The following F13A1 variants were observed in gnomAD, a reference collection of about 807,000 sequenced individuals.
F13A1 encodes FSF, A subunit.
F13A1 carries 47 observed loss-of-function variants against 80.1 expected under a neutral mutation model. The ratio of observed to expected loss-of-function variants is 0.59; its 90% confidence interval spans 0.46 to 0.75. The LOEUF (loss-of-function observed/expected upper bound fraction) is 0.75, where lower values mean the gene tolerates loss of function less well. Among genes scored for constraint, F13A1 ranks in the 30% least tolerant of loss-of-function variants. F13A1 has a pLI of 0.00. For missense variants in F13A1, 817 were observed against 930.4 expected (o/e 0.88, Z 1.59); for synonymous variants, 349 against 344.9 (o/e 1.01, Z -0.13).
chr6:6,224,214 C>T (rs372237573), intron 7 of F13A1, among the ~76,000 whole-genome samples: 1 of 152,058 alleles, frequency 6.6e-6, no homozygotes, highest in Non-Finnish European at 1.5e-5. Flanking sequence ...TGCTATAATA[C>T]CTTCCATAAC....
intron 8 of F13A1, among the ~76,000 whole-genome samples, chr6:6,203,168 A>G (rs931248): frequency 0.65 from 98,502 of 152,138 alleles, 32,969 homozygotes; most frequent in African/African-American, 0.82. Flanking sequence ...TGACTAGGCA[A>G]GAAAGACATC....
chr6:6,243,198 A>G lies in F13A1; in HGVS notation c.798+5114T>C, dbSNP rs984099361. On this transcript the variant is annotated intron_variant, in intron 6 of 14. Coordinates refer to ENST00000264870, the MANE Select transcript of F13A1 (RefSeq NM_000129.4). This position sits in a 1 kb window ranked among gnomAD's most constrained non-coding sequence, Gnocchi z 4.2. ...CACTACCACCATCACTCCCACCACC[A>G]TCACTCCTACCATCACCACCACCAT... 2.7e-4 allele frequency among the ~76,000 whole-genome samples: 40 copies of G among 150,932 alleles called. No individual in the cohort carries two copies. The highest frequency in any genetic ancestry group is 2.6e-3 in the Admixed American group (39 of 15,138).
chr6:6,254,187 T>C (rs1757674060), intron 4 of F13A1, among the ~76,000 whole-genome samples: 2 of 152,200 alleles, frequency 1.3e-5, no homozygotes, highest in Admixed American at 6.5e-5. Context: ...AAGAGATGGA[T>C]ACTCTCATCT....
intron 4 of F13A1, 129 bp downstream of exon 4, chr6:6,266,429 C>T: frequency 7.1e-7 from 1 of 1,411,866 alleles, no homozygotes; most frequent in Non-Finnish European, 1.0e-6. Context: ...GAGACTAGGT[C>T]TCAAACTCCT....
chr6:6,177,093 T>C (rs1340850851), intron 11 of F13A1, among the ~76,000 whole-genome samples: 1 of 152,158 alleles, frequency 6.6e-6, no homozygotes, highest in African/African-American at 2.4e-5. Context: ...TCTGGCATCT[T>C]ACATAATTCA....
At chr6:6,219,284 T>C (rs1757153720) in intron 8 of F13A1, among the ~76,000 whole-genome samples, 2 of 151,634 alleles carry the variant, frequency 1.3e-5, no homozygotes, top group South Asian at 4.2e-4. Flanking sequence ...GCCCAGCAAA[T>C]CATTCCCACC....
chr6:6,207,671 C>T (rs969009846), intron 8 of F13A1, among the ~76,000 whole-genome samples: 3 of 152,168 alleles, frequency 2.0e-5, no homozygotes, highest in African/African-American at 7.2e-5. Flanking sequence ...GAATTTTAAA[C>T]TGCCTGCGGG....
intron 12 of F13A1, among the ~76,000 whole-genome samples, chr6:6,172,959 C>T (rs1277618516): frequency 1.3e-5 from 2 of 152,160 alleles, no homozygotes; most frequent in Non-Finnish European, 2.9e-5. Flanking sequence ...GTGGCTTGAC[C>T]ATCCCAGGGG....
chr6:6,229,508 T>C (rs190888027), intron 6 of F13A1, among the ~76,000 whole-genome samples: 2 of 152,312 alleles, frequency 1.3e-5, no homozygotes, highest in East Asian at 3.9e-4. Flanking sequence ...AATAGTACCA[T>C]AGTTATGGAA....
intron 3 of F13A1, among the ~76,000 whole-genome samples, chr6:6,272,666 G>A (rs1757938722): frequency 1.3e-5 from 2 of 152,140 alleles, no homozygotes; most frequent in African/African-American, 2.4e-5. Context: ...AAACTAGCAA[G>A]GCACTTTCCT....
intron 3 of F13A1, among the ~76,000 whole-genome samples, chr6:6,279,514 G>T (rs1007101522): frequency 6.6e-6 from 1 of 152,212 alleles, no homozygotes; most frequent in Admixed American, 6.5e-5. Flanking sequence ...GGAAGCCCAA[G>T]GGGTGGAGAG....
intron 6 of F13A1, among the ~76,000 whole-genome samples, chr6:6,238,110 T>A (rs145742417): frequency 6.6e-6 from 1 of 152,318 alleles, no homozygotes; most frequent in Non-Finnish European, 1.5e-5. Flanking sequence ...CATAAGGACA[T>A]ACATATAAAC....
chr6:6,303,842 T>A (rs1351118156), intron 3 of F13A1, among the ~76,000 whole-genome samples: 1 of 152,186 alleles, frequency 6.6e-6, no homozygotes, highest in East Asian at 1.9e-4. Flanking sequence ...TGTGAAATTT[T>A]TTTATGTCTA....
At chr6:6,152,044 T>C (rs1561943460) in intron 13 of F13A1, 95 bp from the exon 14 acceptor site, 4 of 1,498,098 alleles carry the variant, frequency 2.7e-6, no homozygotes, top group Non-Finnish European at 3.7e-6. Flanking sequence ...AGTTTTATGA[T>C]ACAGTTATTT....
intron 3 of F13A1, among the ~76,000 whole-genome samples, chr6:6,292,179 C>G (rs1758232775): frequency 6.6e-6 from 1 of 152,208 alleles, no homozygotes; most frequent in Admixed American, 6.5e-5. Flanking sequence ...GGGAGGCATA[C>G]AGCACCTCTG....
In F13A1 at chr6:6,222,037, C is replaced by A. The variant is rs1757202268; in HGVS notation, c.1108G>T (p.Val370Leu). Reference protein sequence around the residue: ...NVNSKLTKDSVWNYHCWNEAW... With the variant: ...NVNSKLTKDSLWNYHCWNEAW... ...GCCATTGTCAATCAAACTCACCACACTGAATCCTTGGTGAGTTTGGAATTC... is the reference window on the plus strand; with the variant it reads ...GCCATTGTCAATCAAACTCACCACAATGAATCCTTGGTGAGTTTGGAATTC... Residue 370 changes from valine to leucine, a missense_variant, in exon 8 of 15, where the codon GTG (valine) becomes TTG (leucine). Physicochemically the swap from Val to Leu is conservative, Grantham distance 32. Coordinates refer to ENST00000264870, the MANE Select transcript of F13A1 (RefSeq NM_000129.4). 6.2e-7 allele frequency: 1 copy of A among 1,613,726 alleles called. No homozygotes were observed. The highest frequency in any genetic ancestry group is 1.3e-5 in the African/African-American group (1 of 74,928).
intron 4 of F13A1, among the ~76,000 whole-genome samples, chr6:6,265,969 T>G (rs1470248016): frequency 6.6e-6 from 1 of 152,236 alleles, no homozygotes; most frequent in Non-Finnish European, 1.5e-5. Context: ...TTGTGATTTT[T>G]GCAATTACTT....
intron 3 of F13A1, among the ~76,000 whole-genome samples, chr6:6,302,417 T>C (rs756999228): frequency 6.6e-6 from 1 of 152,220 alleles, no homozygotes; most frequent in Non-Finnish European, 1.5e-5. Context: ...TACAGACTCA[T>C]AGTGTGTTTT....
chr6:6,270,136 G>A (rs1757902111), intron 3 of F13A1, among the ~76,000 whole-genome samples: 2 of 152,144 alleles, frequency 1.3e-5, no homozygotes, highest in Admixed American at 1.3e-4. Flanking sequence ...GAGTCCCTAT[G>A]GTCTGCAACG....
Sources: gnomAD v4.1 joint callset for allele counts (sites outside exome capture counted in the v4.1 genomes callset) on GRCh38, gnomAD v4.1.1 for gene constraint, Gnocchi (gnomAD v3.1) non-coding constraint, MANE v1.5 for transcripts, NCBI Gene and HGNC (gene_info 2026-07-23, HGNC 2026-07-21) for gene names.